Variants in IL12RB2 observed in about 807,000 individuals in gnomAD.
IL12RB2 encodes interleukin-12 receptor subunit beta-2.
Under a neutral mutation model 89.4 loss-of-function variants are expected in IL12RB2, and 82 were observed. That is an observed-to-expected ratio of 0.92 (90% CI 0.77 to 1.10). The LOEUF (loss-of-function observed/expected upper bound fraction) is 1.10. Ranked by LOEUF, IL12RB2 falls within the 50% of genes least tolerant of loss-of-function variation. The probability of loss-of-function intolerance (pLI) is 0.00; values close to 1 mark genes in which losing one functional copy is unlikely to be tolerated. For missense variants in IL12RB2, 963 were observed against 1,031.9 expected (o/e 0.93, Z 0.92); for synonymous variants, 368 against 370.1 (o/e 0.99, Z 0.07).
chr1:67,360,473 T>C (rs1363636670), intron 10 of IL12RB2, among the ~76,000 whole-genome samples: 1 of 150,456 alleles, frequency 6.6e-6, no homozygotes, highest in Non-Finnish European at 1.5e-5. Context: ...TTTCTCTCAG[T>C]GGGAGGGAAA....
At chr1:67,395,435 G>A in intron 16 of IL12RB2, 112 bp from the exon 17 acceptor site, 2 of 1,600,198 alleles carry the variant, frequency 1.2e-6, no homozygotes, top group South Asian at 2.2e-5. Flanking sequence ...ACATGTTCCA[G>A]CCAGGGCTGA....
rs1295903761 is a variant in IL12RB2, at chr1:67,396,311, C to T, written c.*222C>T. 9 of 617,850 alleles carry T rather than the reference C, an allele frequency of 1.5e-5. No homozygotes were observed. The highest frequency in any genetic ancestry group is 2.3e-5 in the Non-Finnish European group (8 of 344,444). 38.3% of individuals were successfully genotyped at this position (617,850 alleles called of 1,614,324 possible). A position where few individuals can be genotyped will look rare whatever the true frequency, so the allele number is the denominator to read the frequency against. The stretch of plus-strand genomic sequence containing the variant: ...TTTCCCAGGGCCTTAAAATTACATC[C>T]TTCACTGTGTGGACCTAGAGACTCC... On this transcript the variant is annotated 3_prime_UTR_variant, in exon 17 of 17. Transcript: ENST00000674203.
At chr1:67,380,855 T>C (rs1331227934) in intron 14 of IL12RB2, among the ~76,000 whole-genome samples, 1 of 152,154 alleles carries the variant, frequency 6.6e-6, no homozygotes, top group Non-Finnish European at 1.5e-5. Context: ...ATTGTCTCCT[T>C]CTTATAAGGA....
intron 8 of IL12RB2, among the ~76,000 whole-genome samples, chr1:67,336,237 C>G (rs1157924602): frequency 1.3e-5 from 2 of 152,200 alleles, no homozygotes; most frequent in Non-Finnish European, 2.9e-5. Context: ...TTACCAGACC[C>G]AGGTCTTTTG....
intron 15 of IL12RB2, among the ~76,000 whole-genome samples, chr1:67,389,240 A>G (rs1322666787): frequency 6.6e-6 from 1 of 152,084 alleles, no homozygotes; most frequent in Non-Finnish European, 1.5e-5. Flanking sequence ...TCTCTATGAG[A>G]TCACAGACAC....
rs1654491201 is a variant in IL12RB2 at position 67,307,974 on chromosome 1, G to A, written c.-125+7G>A. ...CGCTGGCAGGCGACACGTGGTGAGTGACCAGTGACTCGGGGTCGGGGACAG... is the reference window on the plus strand; with the variant it reads ...CGCTGGCAGGCGACACGTGGTGAGTAACCAGTGACTCGGGGTCGGGGACAG... On this transcript the variant is annotated splice_region_variant and intron_variant, in intron 1 of 16. Transcript: ENST00000674203. 1.3e-5 allele frequency: 2 copies of A among 152,108 alleles called. No individual in the cohort carries two copies. The highest frequency in any genetic ancestry group is 2.9e-5 in the Non-Finnish European group (2 of 68,046). The allele number at this position is 152,108 out of a possible 1,614,324, so 9.4% of individuals were successfully genotyped here. A position where few individuals can be genotyped will look rare whatever the true frequency, so the allele number is the denominator to read the frequency against.
At chr1:67,328,605 A>G (rs905216580) in intron 6 of IL12RB2, among the ~76,000 whole-genome samples, 2 of 152,184 alleles carry the variant, frequency 1.3e-5, no homozygotes, top group Admixed American at 6.5e-5. Context: ...TATTCTCTCT[A>G]TTGAAGAAAT....
chr1:67,375,661 G>A (rs144089167), intron 13 of IL12RB2, among the ~76,000 whole-genome samples: 1 of 152,080 alleles, frequency 6.6e-6, no homozygotes, highest in East Asian at 1.9e-4. Context: ...GCACAGTAAG[G>A]GCAAAAAATG....
At chr1:67,359,645 C>A (rs1303032614) in intron 10 of IL12RB2, among the ~76,000 whole-genome samples, 1 of 152,024 alleles carries the variant, frequency 6.6e-6, no homozygotes, top group Non-Finnish European at 1.5e-5. Flanking sequence ...TCACTTGAAC[C>A]TGGGAGGTGG....
chr1:67,338,521 T>G, intron 8 of IL12RB2, 103 bp from the exon 9 acceptor site: 1 of 727,824 alleles, frequency 1.4e-6, no homozygotes, highest in Non-Finnish European at 2.6e-6. Context: ...ATAATTGAAG[T>G]TATCCTCTAA....
At chr1:67,382,477 A>T (rs1355489936) in intron 14 of IL12RB2, among the ~76,000 whole-genome samples, 1 of 76,860 alleles carries the variant, frequency 1.3e-5, no homozygotes, top group African/African-American at 4.6e-5. Flanking sequence ...TTCAAGCTAG[A>T]ACTCAAAACT....
chr1:67,362,634 A>C (rs1662225128), intron 10 of IL12RB2, among the ~76,000 whole-genome samples: 1 of 151,228 alleles, frequency 6.6e-6, no homozygotes, highest in African/African-American at 2.4e-5. Flanking sequence ...AGGAAAGAGT[A>C]GAGTAAAATA....
chr1:67,323,102 T>C (rs1487949812), intron 4 of IL12RB2, among the ~76,000 whole-genome samples: 2 of 152,174 alleles, frequency 1.3e-5, no homozygotes, highest in African/African-American at 2.4e-5. Context: ...TGAGACTCTG[T>C]CCAGGAAAGA....
At chr1:67,322,723 C>T (rs1382737915) in intron 4 of IL12RB2, among the ~76,000 whole-genome samples, 1 of 152,194 alleles carries the variant, frequency 6.6e-6, no homozygotes, top group Non-Finnish European at 1.5e-5. Context: ...CTGACGGGGG[C>T]TCAGTTTCCC....
intron 13 of IL12RB2, among the ~76,000 whole-genome samples, chr1:67,377,053 A>G (rs1450060651): frequency 1.3e-5 from 2 of 152,228 alleles, no homozygotes; most frequent in East Asian, 3.8e-4. Flanking sequence ...ATTCTGTGAT[A>G]GTCATGGTGA....
intron 5 of IL12RB2, 94 bp from the exon 6 acceptor site, chr1:67,328,106 A>C: frequency 1.1e-6 from 1 of 931,054 alleles, no homozygotes; most frequent in South Asian, 1.3e-5. Flanking sequence ...AATTGTCTAG[A>C]ATTCTAAATA....
intron 4 of IL12RB2, among the ~76,000 whole-genome samples, chr1:67,326,374 C>T (rs1657285396): frequency 6.6e-6 from 1 of 152,098 alleles, no homozygotes; most frequent in Non-Finnish European, 1.5e-5. Flanking sequence ...CTTGAATCTG[C>T]CACTTCATAA....
chr1:67,365,562 C>T (rs564481592), intron 10 of IL12RB2, among the ~76,000 whole-genome samples: 1 of 152,266 alleles, frequency 6.6e-6, no homozygotes, highest in African/African-American at 2.4e-5. Context: ...AATAGTCAGA[C>T]ATTACAAAGC....
chr1:67,376,060 A>T (rs536827043), intron 13 of IL12RB2, among the ~76,000 whole-genome samples: 13 of 151,962 alleles, frequency 8.6e-5, no homozygotes, highest in African/African-American at 3.1e-4. Context: ...GTTAGCCAGG[A>T]TGGTCTCAAT....
Sources: allele counts gnomAD v4.1 joint callset (sites outside exome capture counted in the v4.1 genomes callset), GRCh38; gene constraint gnomAD v4.1.1; transcripts MANE v1.5; gene names NCBI Gene and HGNC (gene_info 2026-07-23, HGNC 2026-07-21).